Variants in MYO1A observed in about 807,000 individuals in gnomAD.
MYO1A encodes myosin IA.
In MYO1A, 127 loss-of-function variants were observed where a neutral mutation model predicts 138.5. That is an observed-to-expected ratio of 0.92 (90% confidence interval 0.79 to 1.06). The LOEUF (loss-of-function observed/expected upper bound fraction) is 1.06. Ranked by LOEUF, MYO1A falls within the 50% of genes least tolerant of loss-of-function variation. MYO1A has a pLI of 0.00. For missense variants in MYO1A, 1,211 were observed against 1,288.8 expected, an observed-to-expected ratio of 0.94 and a Z score of 0.92; for synonymous variants, 477 against 497.5, an observed-to-expected ratio of 0.96 and a Z score of 0.55.
chr12:57,037,539 C>A lies in MYO1A; in HGVS notation c.2055+9G>T, dbSNP rs753826420. On this transcript the variant is annotated intron_variant, in intron 19 of 27. Coordinates refer to ENST00000300119, the MANE Select transcript of MYO1A (RefSeq NM_005379.4). ...CCCTCACCAAATGCTAATGCACTCTCTAACTCACAGTCTTGGGGCTTCTAA... is the reference window on the plus strand; with the variant it reads ...CCCTCACCAAATGCTAATGCACTCTATAACTCACAGTCTTGGGGCTTCTAA... 2 of 1,613,570 alleles carry A rather than the reference C, an allele frequency of 1.2e-6. No individual in the cohort carries two copies. Among genetic ancestry groups the A allele is most frequent in the African/African-American group, 2.7e-5 (2 of 74,896 alleles).
intron 13 of MYO1A, 50 bp downstream of exon 13, chr12:57,041,370 CCCTGTGAGCCTG>C (rs1305418440): frequency 5.6e-5 from 89 of 1,585,156 alleles, no homozygotes; most frequent in Non-Finnish European, 7.5e-5. Context: ...CTCACATCCC[CCCTGTGAGCCTG>C]TCCACCTCTA....
chr12:57,038,379 T>A, intron 17 of MYO1A, 33 bp downstream of exon 17: 1 of 1,604,922 alleles, frequency 6.2e-7, no homozygotes, highest in Non-Finnish European at 8.5e-7. Context: ...CCATCACATA[T>A]GTAGCATGTT....
At chr12:57,047,174 C>A (rs983785180) in intron 5 of MYO1A, 67 bp from the exon 6 acceptor site, 8 of 1,599,618 alleles carry the variant, frequency 5.0e-6, no homozygotes, top group Non-Finnish European at 6.9e-6. Flanking sequence ...TTCCAGTCCT[C>A]ATGACAATCT....
chr12:57,043,968 C>A lies in MYO1A; in HGVS notation c.780G>T (p.Glu260Asp). ...AMAVIGFSEE[E>D]IRQVLEVTSM... The stretch of plus-strand genomic sequence containing the variant: ...ATGTCACCTCTAGCACTTGTCGAAT[C>A]TCCTCCTCCGAGAACCCAATCACTG... The change falls in exon 10 of 28, where the codon GAG (glutamate) becomes GAT (aspartate). Residue 260 changes from glutamate (E) to aspartate (D), a missense_variant. Transcript: ENST00000300119. 6.2e-7 allele frequency: 1 copy of A among 1,614,162 alleles called. No homozygotes were observed. Among genetic ancestry groups the A allele is most frequent in the African/African-American group, 1.3e-5 (1 of 75,032 alleles).
chr12:57,038,387 G>C, intron 17 of MYO1A, 25 bp downstream of exon 17: 1 of 1,610,050 alleles, frequency 6.2e-7, no homozygotes, highest in South Asian at 1.1e-5. Flanking sequence ...TATGTAGCAT[G>C]TTCCCCTGCA....
chr12:57,043,491 C>A, intron 10 of MYO1A, 133 bp from the exon 11 acceptor site: 1 of 869,336 alleles, frequency 1.2e-6, no homozygotes, highest in Non-Finnish European at 1.9e-6. Flanking sequence ...TGCAGCCAAC[C>A]CAGAACATGG....
intron 27 of MYO1A, 104 bp downstream of exon 27, chr12:57,029,028 G>C: frequency 6.2e-7 from 1 of 1,606,062 alleles, no homozygotes; most frequent in Non-Finnish European, 8.5e-7. Flanking sequence ...TCCAAGCCCC[G>C]GCCTGCACTG....
At chr12:57,029,966 C>G in intron 24 of MYO1A, 94 bp from the exon 25 acceptor site, 3 of 1,578,876 alleles carry the variant, frequency 1.9e-6, no homozygotes, top group Non-Finnish European at 2.6e-6. Context: ...GGCCCTTCCC[C>G]CACATCCACG....
chr12:57,036,061 C>G (rs1163150453), intron 22 of MYO1A, among the ~76,000 whole-genome samples: 1 of 152,192 alleles, frequency 6.6e-6, no homozygotes, highest in African/African-American at 2.4e-5. Flanking sequence ...GTGCTGAGAC[C>G]CCTTCCTGCC....
rs1180851098 is a variant in MYO1A, at chr12:57,030,922, T to C, written c.2484+118A>G. The C allele has an allele frequency of 9.6e-6, 12 of 1,250,886 alleles. No homozygotes were observed. In the Admixed American group the frequency reaches 1.1e-4, roughly 12 times the overall value. The allele number at this position is 1,250,886 out of a possible 1,614,324, so 77.5% of individuals were successfully genotyped here. ...TTAAAATGGTAGATTGTATGTTATG[T>C]ATATTTTACCACAATTTTTTTAATG... On this transcript the variant is annotated intron_variant, in intron 23 of 27. Transcript: ENST00000300119.
intron 12 of MYO1A, among the ~76,000 whole-genome samples, chr12:57,042,859 CAT>C (rs747855321): frequency 1.3e-5 from 2 of 152,196 alleles, no homozygotes; most frequent in South Asian, 2.1e-4. Flanking sequence ...TGAAAGTCCA[CAT>C]GACTTTGAAT....
chr12:57,037,658 CAGAA>C lies in MYO1A; in HGVS notation c.1962-21_1962-18del, dbSNP rs1592475086. 1 of 1,610,008 alleles carries C rather than the reference CAGAA, an allele frequency of 6.2e-7. No individual in the cohort carries two copies. The highest frequency in any genetic ancestry group is 1.3e-5 in the African/African-American group (1 of 74,964). On this transcript the variant is annotated intron_variant, in intron 18 of 27. Transcript: ENST00000300119. ...ACACCTTCCCTATGGAAGCAAATGACAGAAAGCTGCAGAGGGGTATCTCAGGAGA... is the reference window on the plus strand; with the variant it reads ...ACACCTTCCCTATGGAAGCAAATGACAGCTGCAGAGGGGTATCTCAGGAGA...
intron 22 of MYO1A, among the ~76,000 whole-genome samples, chr12:57,032,570 C>T (rs1235798913): frequency 6.6e-6 from 1 of 152,176 alleles, no homozygotes; most frequent in East Asian, 1.9e-4. Context: ...GTAATCCCAG[C>T]TACTCTAGAG....
At chr12:57,040,266 T>A (rs537108955) in intron 14 of MYO1A, among the ~76,000 whole-genome samples, 16 of 152,246 alleles carry the variant, frequency 1.1e-4, no homozygotes, top group Non-Finnish European at 2.4e-4. Flanking sequence ...CATACTGACA[T>A]GGAAAGATCT....
chr12:57,039,228 C>A lies in MYO1A; in HGVS notation c.1316G>T (p.Cys439Phe). 6.2e-7 allele frequency: 1 copy of A among 1,614,108 alleles called. No individual in the cohort carries two copies. The highest frequency in any genetic ancestry group is 8.5e-7 in the Non-Finnish European group (1 of 1,179,984). The change falls in exon 15 of 28, where the codon TGT becomes TTT. Residue 439 changes from cysteine to phenylalanine, a missense_variant. By Grantham distance (205) the Cys-to-Phe change is radical (BLOSUM62 -2). Coordinates refer to ENST00000300119, the MANE Select transcript of MYO1A (RefSeq NM_005379.4). ...ACAACTCACATGCTCAATGAGCTTA[C>A]AAATGATGCCATTATCAAAGTAGTC... ...KVDYFDNGII[C>F]KLIEHNQRGI...
At chr12:57,039,173 G>A in intron 15 of MYO1A, 39 bp downstream of exon 15, 1 of 1,599,462 alleles carries the variant, frequency 6.3e-7, no homozygotes, top group Non-Finnish European at 8.6e-7. Context: ...CAGGCAGTCT[G>A]GAAGGGGAAG....
Position 57,046,002 on chromosome 12 carries a change from A to G in MYO1A, c.640+550T>C. On this transcript the variant is annotated intron_variant, in intron 8 of 27. Coordinates refer to ENST00000300119, the MANE Select transcript of MYO1A (RefSeq NM_005379.4). The stretch of plus-strand genomic sequence containing the variant: ...CAACTCTGTATCCCTAGAGGCTAGC[A>G]TAATATTTGATCATAGGTGTTCAAG... Among the ~76,000 whole-genome samples the G allele has an allele frequency of 1.3e-5, 2 of 152,244 alleles. 1 individual carries two copies.
rs753302527 is a variant in MYO1A at position 57,029,810 on chromosome 12, A to G, written c.2654T>C (p.Leu885Pro). The change falls in exon 25 of 28, where the codon CTG becomes CCG. Residue 885 changes from leucine (L) to proline (P), a missense_variant. Leu to Pro is a moderately conservative substitution (Grantham distance 98). Coordinates refer to ENST00000300119, the MANE Select transcript of MYO1A (RefSeq NM_005379.4). ...AACAGGCCCCTCCTCCCCGCCTTTC[A>G]GCTTCTGCAGCTTGGGGTTCCCTTG... is the stretch of plus-strand genomic sequence containing the variant. Reference protein sequence around the residue: ...GLQGNPKLQKLKGGEEGPVLM... With the variant: ...GLQGNPKLQKPKGGEEGPVLM... 5.2e-5 allele frequency: 84 copies of G among 1,614,004 alleles called. 1 individual carries two copies. The Admixed American group carries it at 1.4e-3, about 27-fold the overall frequency.
rs2030942517 is a variant in MYO1A, at chr12:57,043,251, T to G, written c.1000A>C (p.Asn334His). 2 of 1,614,114 alleles carry G rather than the reference T, an allele frequency of 1.2e-6. No homozygotes were observed. The highest frequency in any genetic ancestry group is 2.2e-5 in the East Asian group (1 of 44,884). The change falls in exon 11 of 28, where the codon AAT becomes CAT. Residue 334 changes from asparagine (N) to histidine (H), a missense_variant. Asn to His is a moderately conservative substitution (Grantham distance 68). Coordinates refer to ENST00000300119, the MANE Select transcript of MYO1A (RefSeq NM_005379.4). ...TAKEKVVTAL[N>H]VMQAQYARDA... ...AGTGAGCTCCTTACCTGCATAACATTCAGTGCAGTGACCACCTTTTCCTTG... is the reference window on the plus strand; with the variant it reads ...AGTGAGCTCCTTACCTGCATAACATGCAGTGCAGTGACCACCTTTTCCTTG...
Sources: allele counts gnomAD v4.1 joint callset (sites outside exome capture counted in the v4.1 genomes callset), GRCh38; gene constraint gnomAD v4.1.1; transcripts MANE v1.5; gene names NCBI Gene and HGNC (gene_info 2026-07-23, HGNC 2026-07-21).